TRIM68: variants seen among roughly 807,000 people sequenced by gnomAD.
TRIM68 encodes the protein tripartite motif containing 68.
A neutral mutation model predicts 41.9 loss-of-function variants in TRIM68; 36 were observed. That is an observed-to-expected ratio of 0.86 (90% CI 0.66 to 1.14). The LOEUF (loss-of-function observed/expected upper bound fraction) is 1.14. Ranked by LOEUF, TRIM68 falls within the 50% of genes most tolerant of loss-of-function variation. The pLI is 0.00. For synonymous variants in TRIM68, 225 were observed against 224.6 expected (o/e 1.00, Z -0.02); for missense variants, 632 against 605.1 (o/e 1.04, Z -0.47).
intron 3 of TRIM68, 38 bp downstream of exon 3, chr11:4,603,207 C>A: frequency 6.3e-7 from 1 of 1,593,858 alleles, no homozygotes; most frequent in Non-Finnish European, 8.6e-7. Context: ...CCACACAGGA[C>A]GACTGACACA....
intron 4 of TRIM68, chr11:4,601,943 G>T: frequency 1.3e-6 from 1 of 790,390 alleles, no homozygotes; most frequent in Non-Finnish European, 2.0e-6. Flanking sequence ...AGCTGCCTGA[G>T]CACTGCCCCA....
At chr11:4,600,851 A>T in intron 6 of TRIM68, 25 bp from the exon 7 acceptor site, 1 of 1,603,064 alleles carries the variant, frequency 6.2e-7, no homozygotes, top group East Asian at 2.2e-5. Context: ...CCTGGTTGGT[A>T]ACAGTGATAT....
chr11:4,607,072 T>G (rs1461501373), intron 1 of TRIM68, among the ~76,000 whole-genome samples: 2 of 152,250 alleles, frequency 1.3e-5, no homozygotes, highest in East Asian at 3.8e-4. Context: ...AAACAGCACC[T>G]GTGCCCAGCT....
intron 1 of TRIM68, among the ~76,000 whole-genome samples, chr11:4,606,746 G>GCT (rs575564533): frequency 1.3e-5 from 2 of 152,166 alleles, no homozygotes; most frequent in Non-Finnish European, 2.9e-5. Context: ...TTGGCTTGGG[G>GCT]CTCTGCCATC....
chr11:4,600,932 G>A lies in TRIM68; in HGVS notation c.907+95C>T, dbSNP rs552338379. On this transcript the variant is annotated intron_variant, in intron 6 of 6. Coordinates refer to ENST00000300747, the MANE Select transcript of TRIM68 (RefSeq NM_018073.8). ...AGATTTCTCAATGATGAAGGGGTGA[G>A]GCTGGATGGAGCACCCAGAGGGCAC... The A allele has an allele frequency of 9.6e-6, 15 of 1,564,958 alleles. No homozygotes were observed. The Admixed American group carries it at 1.2e-4, about 12-fold the overall frequency.
In TRIM68 at chr11:4,601,192, T is replaced by C. The variant is rs969681490; in HGVS notation, c.807-65A>G. ...CTTTGTCACATGGGCCTTATCTTAG[T>C]ACAGGGAAGAGGGGCTTGGCCAGGG... On this transcript the variant is annotated intron_variant, in intron 5 of 6. Coordinates refer to ENST00000300747, the MANE Select transcript of TRIM68 (RefSeq NM_018073.8). 5.5e-6 allele frequency: 7 copies of C among 1,267,146 alleles called. No homozygotes were observed. The East Asian group carries it at 6.9e-5, about 13-fold the overall frequency. The allele number at this position is 1,267,146 out of a possible 1,614,324, so 78.5% of individuals were successfully genotyped here.
At chr11:4,603,190 T>C (rs1846518798) in intron 3 of TRIM68, 55 bp downstream of exon 3, 1 of 1,537,948 alleles carries the variant, frequency 6.5e-7, no homozygotes, top group African/African-American at 1.4e-5. Flanking sequence ...CTAGGCCAGC[T>C]CCAGGACCAC....
chr11:4,601,587 C>G, intron 5 of TRIM68, 77 bp downstream of exon 5: 1 of 1,513,600 alleles, frequency 6.6e-7, no homozygotes, highest in Non-Finnish European at 9.2e-7. Context: ...GTCTGTGCTC[C>G]GTCCCTACTT....
At chr11:4,606,614 G>T (rs993024555) in intron 1 of TRIM68, among the ~76,000 whole-genome samples, 1 of 152,170 alleles carries the variant, frequency 6.6e-6, no homozygotes, top group Non-Finnish European at 1.5e-5. Flanking sequence ...AATAATAAAA[G>T]CAAGCACTCT....
In TRIM68 at chr11:4,599,356, G is replaced by A. The variant is rs1846443468; in HGVS notation, c.*920C>T. 1 of 152,138 alleles carries A rather than the reference G, an allele frequency of 6.6e-6. No homozygotes were observed. Among genetic ancestry groups the A allele is most frequent in the Admixed American group, 6.6e-5 (1 of 15,264 alleles). The allele number at this position is 152,138 out of a possible 1,614,324, so 9.4% of individuals were successfully genotyped here. A position where few individuals can be genotyped will look rare whatever the true frequency, so the allele number is the denominator to read the frequency against. Reference sequence around the variant, plus strand: ...CTAAAAATACAAAAAAATGAGCCAGGCGTCGTGGTGGGCGCCTGTAGTCCC... The same window carrying A: ...CTAAAAATACAAAAAAATGAGCCAGACGTCGTGGTGGGCGCCTGTAGTCCC... On this transcript the variant is annotated 3_prime_UTR_variant, in exon 7 of 7. Transcript: ENST00000300747.
chr11:4,603,501 C>T (rs893973072), intron 2 of TRIM68, among the ~76,000 whole-genome samples, 161 bp from the exon 3 acceptor site: 8 of 152,186 alleles, frequency 5.3e-5, no homozygotes, highest in African/African-American at 4.8e-5. Context: ...AGATGACATC[C>T]GAGGTAGCTC....
chr11:4,603,029 C>CTCT, intron 3 of TRIM68, among the ~76,000 whole-genome samples: 1 of 152,278 alleles, frequency 6.6e-6, no homozygotes, highest in East Asian at 1.9e-4. Context: ...GGATACAAGA[C>CTCT]CAGAGGTTAT....
chr11:4,601,115 C>T lies in TRIM68; in HGVS notation c.819G>A (p.Trp273Ter). The T allele has an allele frequency of 2.5e-6, 4 of 1,614,126 alleles. No individual in the cohort carries two copies. Among genetic ancestry groups the T allele is most frequent in the Non-Finnish European group, 3.4e-6 (4 of 1,179,982 alleles). The change falls in exon 6 of 7, where the codon TGG becomes TGA. Residue 273 changes from tryptophan to a stop codon, truncating the protein, a stop_gained. Coordinates refer to ENST00000300747, the MANE Select transcript of TRIM68 (RefSeq NM_018073.8). LOFTEE classifies it high-confidence loss of function. ...IQEVLNRSKS[W>*]SLQQPEPISL... ...AGATTGGTTCTGGCTGCTGCAAGCT[C>T]CAAGATTTGCTCCTGGTAGAGGAGG...
intron 3 of TRIM68, 128 bp from the exon 4 acceptor site, chr11:4,602,540 A>T: frequency 8.0e-7 from 1 of 1,249,998 alleles, no homozygotes. Context: ...GGGCAAAGAT[A>T]AAGGATACTA....
intron 3 of TRIM68, 31 bp from the exon 4 acceptor site, chr11:4,602,443 T>C (rs1846508467): frequency 1.2e-6 from 2 of 1,609,320 alleles, no homozygotes; most frequent in South Asian, 1.1e-5. Context: ...TCAGCACTGA[T>C]ACTTTCAGTC....
Position 4,601,692 on chromosome 11 carries a change from A to G in TRIM68, c.784-6T>C, listed in dbSNP as rs1846491528. The G allele has an allele frequency of 6.2e-7, 1 of 1,613,928 alleles. No homozygotes were observed. The highest frequency in any genetic ancestry group is 1.1e-5 in the South Asian group (1 of 91,084). On this transcript the variant is annotated splice_polypyrimidine_tract_variant and splice_region_variant and intron_variant, in intron 4 of 6. Transcript: ENST00000300747. ...TTTAACACTTCCTGAATATCCTGGAAGGAGAAAAAAAAATGCAGCATCTGA... is the reference window on the plus strand; with the variant it reads ...TTTAACACTTCCTGAATATCCTGGAGGGAGAAAAAAAAATGCAGCATCTGA...
At chr11:4,601,556 C>T in intron 5 of TRIM68, 108 bp downstream of exon 5, 1 of 1,212,944 alleles carries the variant, frequency 8.2e-7, no homozygotes, top group East Asian at 2.3e-5. Context: ...GGACCAGCAC[C>T]TGCTTTTCTG....
At position 4,605,221 on chromosome 11, in the gene TRIM68, C is replaced by A. The variant is rs867362369; in HGVS notation, c.284G>T (p.Gly95Val). 1 of 1,614,154 alleles carries A rather than the reference C, an allele frequency of 6.2e-7. No homozygotes were observed. The highest frequency in any genetic ancestry group is 8.5e-7 in the Non-Finnish European group (1 of 1,180,052). ...TTCCCCATGGCGCTCACACAGGTCACCCTTCAGCCCCATTCCTGGATGTAG... is the reference window on the plus strand; with the variant it reads ...TTCCCCATGGCGCTCACACAGGTCAACCTTCAGCCCCATTCCTGGATGTAG... Reference protein sequence around the residue: ...LRLHPGMGLKGDLCERHGEKL... With the variant: ...LRLHPGMGLKVDLCERHGEKL... The change falls in exon 2 of 7, where the codon GGT (glycine) becomes GTT (valine). Residue 95 changes from glycine (G) to valine (V), a missense_variant. Gly to Val is a moderately radical substitution (Grantham distance 109). Transcript: ENST00000300747.
intron 3 of TRIM68, among the ~76,000 whole-genome samples, chr11:4,603,031 A>ATATAG: frequency 6.6e-6 from 1 of 152,360 alleles, no homozygotes; most frequent in East Asian, 1.9e-4. Flanking sequence ...ATACAAGACC[A>ATATAG]GAGGTTATCC....
Sources: gnomAD v4.1 joint callset for allele counts (sites outside exome capture counted in the v4.1 genomes callset) on GRCh38, gnomAD v4.1.1 for gene constraint, MANE v1.5 for transcripts, NCBI Gene and HGNC (gene_info 2026-07-23, HGNC 2026-07-21) for gene names.